Variants in NIBAN1 observed in about 807,000 individuals in gnomAD.
NIBAN1 encodes protein Niban 1.
A neutral mutation model predicts 75.1 loss-of-function variants in NIBAN1; 81 were observed. The observed-to-expected ratio is 1.08, with a 90% CI of 0.90 to 1.30. The LOEUF (loss-of-function observed/expected upper bound fraction) is 1.30. Ranked by LOEUF, NIBAN1 falls within the 50% of genes most tolerant of loss-of-function variation. The pLI, the probability that NIBAN1 is intolerant of heterozygous loss-of-function variation, is 0.00. For synonymous variants in NIBAN1, 436 were observed against 424.8 expected (o/e 1.03, Z -0.32); for missense variants, 1,133 against 1,128.1 (o/e 1.00, Z -0.06).
chr1:184,958,038 T>C (rs1402122263), intron 1 of NIBAN1, among the ~76,000 whole-genome samples: 3 of 152,154 alleles, frequency 2.0e-5, no homozygotes, highest in Admixed American at 1.3e-4. Flanking sequence ...CTATTTATAA[T>C]CTACCATCTC....
chr1:184,917,451 C>T (rs1295277047), intron 1 of NIBAN1, among the ~76,000 whole-genome samples: 7 of 150,030 alleles, frequency 4.7e-5, no homozygotes, highest in East Asian at 2.0e-4. Flanking sequence ...CCTCGTGATC[C>T]GCCCGCCTCG....
At position 184,867,082 on chromosome 1, in the gene NIBAN1, C is replaced by T. The variant is rs147229591; in HGVS notation, c.601+17551G>A. ...CTGAAGTGCAGTACCGATACTAATGCGGTGACATCAGCAAGGCCAAACAGG... is the reference window on the plus strand; with the variant it reads ...CTGAAGTGCAGTACCGATACTAATGTGGTGACATCAGCAAGGCCAAACAGG... On this transcript the variant is annotated intron_variant, in intron 5 of 13. Transcript: ENST00000367511. Among the ~76,000 whole-genome samples the T allele has an allele frequency of 8.3e-4, 126 of 152,082 alleles. 3 individuals are homozygous for T. The East Asian group carries it at 0.023, about 28-fold the overall frequency.
At chr1:184,839,607 T>C (rs1655228907) in intron 5 of NIBAN1, among the ~76,000 whole-genome samples, 1 of 152,034 alleles carries the variant, frequency 6.6e-6, no homozygotes, top group African/African-American at 2.4e-5. Flanking sequence ...TTAATTTTTT[T>C]TTTTTGAGAC....
intron 1 of NIBAN1, among the ~76,000 whole-genome samples, chr1:184,917,708 C>T (rs1466478017): frequency 1.3e-5 from 2 of 152,046 alleles, no homozygotes; most frequent in African/African-American, 2.4e-5. Context: ...GGAAGACCCC[C>T]CCAATATTTT....
chr1:184,860,949 T>C (rs968699508), intron 5 of NIBAN1, among the ~76,000 whole-genome samples: 1 of 152,218 alleles, frequency 6.6e-6, no homozygotes, highest in African/African-American at 2.4e-5. Flanking sequence ...GTTTCAGTCA[T>C]ACAAAGTCCA....
intron 1 of NIBAN1, among the ~76,000 whole-genome samples, chr1:184,928,698 G>A (rs963877135): frequency 1.3e-5 from 2 of 152,124 alleles, no homozygotes; most frequent in Non-Finnish European, 2.9e-5. Flanking sequence ...CCACTGCCAG[G>A]GAATGGAAGA....
At chr1:184,946,245 T>C (rs1658222287) in intron 1 of NIBAN1, among the ~76,000 whole-genome samples, 1 of 152,188 alleles carries the variant, frequency 6.6e-6, no homozygotes. Context: ...CGCAATTACT[T>C]CTCTTCCAAG....
At chr1:184,947,079 G>GAAAAAAAAAAAA (rs1553230564) in intron 1 of NIBAN1, among the ~76,000 whole-genome samples, 1 of 150,454 alleles carries the variant, frequency 6.6e-6, no homozygotes, top group Non-Finnish European at 1.5e-5. Flanking sequence ...ATCTCAAAAA[G>GAAAAAAAAAAAA]AAAAGAAAAG....
chr1:184,870,171 A>AT (rs1656068436), intron 5 of NIBAN1, among the ~76,000 whole-genome samples: 3 of 152,230 alleles, frequency 2.0e-5, no homozygotes, highest in Non-Finnish European at 4.4e-5. Flanking sequence ...GCAGTGGTTG[A>AT]TAGATTACAA....
At chr1:184,925,868 C>T (rs995232529) in intron 1 of NIBAN1, among the ~76,000 whole-genome samples, 1 of 152,170 alleles carries the variant, frequency 6.6e-6, no homozygotes, top group Non-Finnish European at 1.5e-5. Context: ...GTAGTTTACA[C>T]ACCACAATTA....
rs192359107 is a variant in NIBAN1 at position 184,794,812 on chromosome 1, G to A, written c.*165C>T. The A allele has an allele frequency of 1.2e-6, 1 of 827,762 alleles. No individual in the cohort carries two copies. Among genetic ancestry groups the A allele is most frequent in the Non-Finnish European group, 2.0e-6 (1 of 511,362 alleles). The allele number at this position is 827,762 out of a possible 1,614,324, so 51.3% of individuals were successfully genotyped here. On this transcript the variant is annotated 3_prime_UTR_variant, in exon 14 of 14. Coordinates refer to ENST00000367511, the MANE Select transcript of NIBAN1 (RefSeq NM_052966.4). Reference sequence around the variant, plus strand: ...CGTAGAACAATTCATGTCCACAAAGGTTTGCCTCAGTTGCTCATGCCCTGT... The same window carrying A: ...CGTAGAACAATTCATGTCCACAAAGATTTGCCTCAGTTGCTCATGCCCTGT...
At chr1:184,974,052 A>G (rs234109) in intron 1 of NIBAN1, among the ~76,000 whole-genome samples, 81,254 of 152,024 alleles carry the variant, frequency 0.53, 23,021 homozygotes, top group African/African-American at 0.7. Flanking sequence ...GGGAGCGGCG[A>G]AGGCGCCGGC....
intron 5 of NIBAN1, among the ~76,000 whole-genome samples, chr1:184,852,559 C>T (rs915421413): frequency 6.6e-6 from 1 of 152,180 alleles, no homozygotes; most frequent in Non-Finnish European, 1.5e-5. Context: ...AGGTGAGTTA[C>T]TTTGCTTCTC....
chr1:184,909,178 A>C (rs1171034035), intron 1 of NIBAN1, among the ~76,000 whole-genome samples: 1 of 152,208 alleles, frequency 6.6e-6, no homozygotes. Context: ...CACAACATGC[A>C]CATTAAAAGA....
chr1:184,882,840 T>C (rs898503663), intron 5 of NIBAN1, among the ~76,000 whole-genome samples: 1 of 152,186 alleles, frequency 6.6e-6, no homozygotes, highest in African/African-American at 2.4e-5. Flanking sequence ...GCAAGTGTAG[T>C]GGAAAATGAG....
chr1:184,893,124 A>G (rs1350784211), intron 3 of NIBAN1, among the ~76,000 whole-genome samples: 2 of 152,268 alleles, frequency 1.3e-5, no homozygotes, highest in African/African-American at 2.4e-5. Flanking sequence ...TAAATCTGTT[A>G]CTGTCGTTCA....
chr1:184,795,047 G>C lies in NIBAN1; in HGVS notation c.2717C>G (p.Ser906Ter), dbSNP rs147815528. Reference protein sequence around the residue: ...EDAPNPDVLLSHKDDVKEGEG... With the variant: ...EDAPNPDVLL ...TCCCTCCTTCACGTCATCTTTGTGT[G>C]ACAGCAGGACATCCGGGTTTGGAGC... The change falls in exon 14 of 14, where the codon TCA (serine) becomes TGA (stop). Residue 906 changes from serine (S) to a stop codon, truncating the protein, a stop_gained. Coordinates refer to ENST00000367511, the MANE Select transcript of NIBAN1 (RefSeq NM_052966.4). LOFTEE classifies it low-confidence loss of function (END_TRUNC). The C allele has an allele frequency of 4.1e-4, 666 of 1,613,866 alleles. No homozygotes were observed. Among genetic ancestry groups the C allele is most frequent in the Non-Finnish European group, 5.1e-4 (601 of 1,180,036 alleles).
chr1:184,968,236 C>G (rs1361305003), intron 1 of NIBAN1, among the ~76,000 whole-genome samples: 1 of 150,340 alleles, frequency 6.7e-6, no homozygotes, highest in East Asian at 2.0e-4. Flanking sequence ...AAAGAAATCA[C>G]AACTCACAAA....
chr1:184,852,708 T>C (rs1313957335), intron 5 of NIBAN1, among the ~76,000 whole-genome samples: 3 of 152,232 alleles, frequency 2.0e-5, no homozygotes, highest in Non-Finnish European at 4.4e-5. Context: ...TGATAGTAGT[T>C]CAACTTAGGG....
Sources: gnomAD v4.1 joint callset for allele counts (sites outside exome capture counted in the v4.1 genomes callset) on GRCh38, gnomAD v4.1.1 for gene constraint, MANE v1.5 for transcripts, NCBI Gene and HGNC (gene_info 2026-07-23, HGNC 2026-07-21) for gene names.